PKD1: variants seen among roughly 807,000 people sequenced by gnomAD.
The protein encoded by PKD1 is polycystin 1, transient receptor potential channel interacting.
In PKD1, 81 loss-of-function variants were observed where a neutral mutation model predicts 361.7. The ratio of observed to expected loss-of-function variants is 0.22; its 90% CI spans 0.19 to 0.27. PKD1 has a LOEUF of 0.27. PKD1 is among the 10% of genes least tolerant of loss of function. The pLI is 1.00. For missense variants in PKD1, 6,399 were observed against 6,118.3 expected, an observed-to-expected ratio of 1.05 and a Z score of -1.53; for synonymous variants, 3,615 against 2,818.3, an observed-to-expected ratio of 1.28 and a Z score of -8.95.
Position 2,107,894 on chromosome 16 carries a change from T to C in PKD1, c.7054A>G (p.Thr2352Ala). 2 of 1,544,598 alleles carry C rather than the reference T, an allele frequency of 1.3e-6. No individual in the cohort carries two copies. Among genetic ancestry groups the C allele is most frequent in the Non-Finnish European group, 1.7e-6 (2 of 1,146,600 alleles). The change falls in exon 16 of 46, where the codon ACC becomes GCC. Residue 2352 changes from threonine (T) to alanine (A), a missense_variant. Transcript: ENST00000262304. Reference protein sequence around the residue: ...VWKAGRKEEATNQTVLIRSGR... With the variant: ...VWKAGRKEEAANQTVLIRSGR... ...CGGGCGGCACCCACCGTCTGGTTGG[T>C]GGCCTCCTCCTTGCGGCCGGCCTTC...
rs1441305804 is a variant in PKD1 at position 2,092,052 on chromosome 16, C to T, written c.11406G>A (p.Leu3802=). The T allele has an allele frequency of 3.1e-6, 5 of 1,612,832 alleles. No individual in the cohort carries two copies. The highest frequency in any genetic ancestry group is 4.2e-6 in the Non-Finnish European group (5 of 1,179,992). The change falls in exon 40 of 46, where the codon CTG becomes CTA. Residue 3802 remains leucine (L), a synonymous_variant. Coordinates refer to ENST00000262304, the MANE Select transcript of PKD1 (RefSeq NM_001009944.3). ...GGGGCCCTCGCTCTGCTCACCCCAG[C>T]AGATCCGGCGCTGAATAGGCCCACG... The part of the protein sequence containing the change: ...SGTWAYSAPD[L]LGAWSWGSCA...
At chr16:2,105,019 TAGGGGAGGGAAGGGGGAGGGG>T (rs2092286633) in intron 21 of PKD1, among the ~76,000 whole-genome samples, 2 of 61,818 alleles carry the variant, frequency 3.2e-5, no homozygotes, top group African/African-American at 1.3e-4. Flanking sequence ...GGGGAGGGGC[TAGGGGAGGGAAGGGGGAGGGG>T]AGGGGAGGGG....
At chr16:2,108,128 C>T (rs2092406823) in intron 15 of PKD1, 96 bp from the exon 16 acceptor site, 1 of 1,488,022 alleles carries the variant, frequency 6.7e-7, no homozygotes, top group Non-Finnish European at 9.3e-7. Flanking sequence ...ACCCCCTCCC[C>T]ATGCTGGGAC....
Position 2,102,396 on chromosome 16 carries a change from G to A in PKD1, c.9186C>T (p.Val3062=), listed in dbSNP as rs766805672. ...GGTCACTCACAGGAAACACAAAGCGGACATGGCTTGGGGGCACGAAGAGGC... is the reference window on the plus strand; with the variant it reads ...GGTCACTCACAGGAAACACAAAGCGAACATGGCTTGGGGGCACGAAGAGGC... ...GASLFVPPSH[V]RFVFPEPTAD... is the part of the protein sequence containing the mutation. Residue 3062 remains valine (V), a synonymous_variant, in exon 25 of 46, where the codon GTC becomes GTT. Coordinates refer to ENST00000262304, the MANE Select transcript of PKD1 (RefSeq NM_001009944.3). The A allele has an allele frequency of 6.4e-7, 1 of 1,558,706 alleles. No individual in the cohort carries two copies. The highest frequency in any genetic ancestry group is 8.7e-7 in the Non-Finnish European group (1 of 1,152,174).
rs773014664 is a variant in PKD1 at position 2,103,811 on chromosome 16, G to A, written c.8246C>T (p.Ala2749Val). Residue 2749 changes from alanine (A) to valine (V), a missense_variant, in exon 23 of 46, where the codon GCG (alanine) becomes GTG (valine). By Grantham distance (64) the Ala-to-Val change is moderately conservative. Transcript: ENST00000262304. ...LGAESPSRMV[A>V]SQAYNLTSAL... Reference sequence around the variant, plus strand: ...AGAGGTCAGGTTGTAGGCCTGGGACGCCACCATCCGAGATGGTGACTCGGC... The same window carrying A: ...AGAGGTCAGGTTGTAGGCCTGGGACACCACCATCCGAGATGGTGACTCGGC... The A allele has an allele frequency of 1.6e-5, 25 of 1,609,164 alleles. No homozygotes were observed. The highest frequency in any genetic ancestry group is 2.0e-5 in the Non-Finnish European group (24 of 1,179,354).
Position 2,112,732 on chromosome 16 carries a change from C to G in PKD1, c.3161+56G>C, listed in dbSNP as rs542334447. 34 of 1,561,864 alleles carry G rather than the reference C, an allele frequency of 2.2e-5. No individual in the cohort carries two copies. In the East Asian group the frequency reaches 3.4e-4, roughly 15 times the overall value. Reference sequence around the variant, plus strand: ...TGATGTGGGGGTCCCTCGGCTGAGGCTGGGGCTGGGACAAGAGCCTGGTGC... The same window carrying G: ...TGATGTGGGGGTCCCTCGGCTGAGGGTGGGGCTGGGACAAGAGCCTGGTGC... On this transcript the variant is annotated intron_variant, in intron 13 of 45. Transcript: ENST00000262304.
At chr16:2,094,299 G>A in intron 34 of PKD1, 89 bp from the exon 35 acceptor site, 1 of 810,534 alleles carries the variant, frequency 1.2e-6, no homozygotes, top group Non-Finnish European at 2.1e-6. Flanking sequence ...GCAGTTTCTT[G>A]AGCCTCTTGG....
At chr16:2,103,233 G>A (rs779633654) in intron 23 of PKD1, 33 bp downstream of exon 23, 1 of 1,604,192 alleles carries the variant, frequency 6.2e-7, no homozygotes, top group Non-Finnish European at 8.5e-7. Flanking sequence ...AACAAGGCCA[G>A]GGGGCCGCGT....
chr16:2,119,569 A>C (rs976686796), intron 1 of PKD1, among the ~76,000 whole-genome samples, 191 bp from the exon 2 acceptor site: 14 of 152,328 alleles, frequency 9.2e-5, no homozygotes, highest in African/African-American at 2.6e-4. Context: ...AAACCAAGCC[A>C]GGAGAGGCCT....
rs1428057208 is a variant in PKD1, at chr16:2,121,722, C to A, written c.216-2344G>T. On this transcript the variant is annotated intron_variant, in intron 1 of 45. Coordinates refer to ENST00000262304, the MANE Select transcript of PKD1 (RefSeq NM_001009944.3). ...ACCCTGGGCACCCCTCCTGGTCCCACGCACTCCCAGTAGTGCTCCTGGCAC... is the reference window on the plus strand; with the variant it reads ...ACCCTGGGCACCCCTCCTGGTCCCAAGCACTCCCAGTAGTGCTCCTGGCAC... Among the ~76,000 whole-genome samples the A allele has an allele frequency of 4.9e-5, 6 of 122,354 alleles. No homozygotes were observed. The South Asian group carries it at 1.6e-3, about 32-fold the overall frequency. 80.3% of individuals were successfully genotyped at this position (122,354 alleles called of 152,430 possible). A position where few individuals can be genotyped will look rare whatever the true frequency, so the allele number is the denominator to read the frequency against.
chr16:2,108,737 G>A lies in PKD1; in HGVS notation c.6430C>T (p.Leu2144=). 1 of 1,572,266 alleles carries A rather than the reference G, an allele frequency of 6.4e-7. No homozygotes were observed. ...TCCACCTCCGGCTCCCGGCAGGCCA[G>A]CACCTGGACGGTCACCGTGGCCTGC... ...VAQATVTVQV[L]ACREPEVDVV... The change falls in exon 15 of 46, where the codon CTG becomes TTG. Residue 2144 remains leucine, a synonymous_variant. Coordinates refer to ENST00000262304, the MANE Select transcript of PKD1 (RefSeq NM_001009944.3).
chr16:2,107,184 G>C, intron 16 of PKD1: 3 of 588,070 alleles, frequency 5.1e-6, no homozygotes, highest in Admixed American at 2.5e-5. Context: ...ACTGGACCCA[G>C]CTGGACCCTA....
rs1436106320 is a variant in PKD1, at chr16:2,112,009, G to A, written c.3296-138C>T. 7.7e-6 allele frequency: 7 copies of A among 913,796 alleles called. No individual in the cohort carries two copies. In the East Asian group the frequency reaches 1.6e-4, roughly 21 times the overall value. 56.6% of individuals were successfully genotyped at this position (913,796 alleles called of 1,614,324 possible). On this transcript the variant is annotated intron_variant, in intron 14 of 45. Transcript: ENST00000262304. ...AGCCTTAAGGGTCCCAGGCTCCCAA[G>A]CCACGTGCGGGACGGAGCACAGGTG...
intron 1 of PKD1, among the ~76,000 whole-genome samples, chr16:2,122,245 G>A (rs746004866): frequency 4.6e-5 from 7 of 152,248 alleles, no homozygotes; most frequent in African/African-American, 4.8e-5. Context: ...ACTGGCTCCC[G>A]GAGCTTCTCG....
At chr16:2,123,004 G>C (rs1251445609) in intron 1 of PKD1, among the ~76,000 whole-genome samples, 5 of 152,224 alleles carry the variant, frequency 3.3e-5, no homozygotes, top group African/African-American at 1.2e-4. Flanking sequence ...GGCTGCTGCT[G>C]GGAGCTGACA....
intron 1 of PKD1, among the ~76,000 whole-genome samples, chr16:2,126,252 G>A (rs1250126791): frequency 6.6e-6 from 1 of 152,254 alleles, no homozygotes; most frequent in African/African-American, 2.4e-5. Context: ...TTGCCCCAGC[G>A]CTGGCCTCAT....
chr16:2,099,218 A>T (rs890713639), intron 30 of PKD1: 35 of 349,076 alleles, frequency 1.0e-4, no homozygotes, highest in Admixed American at 1.6e-4. Context: ...CACCTCGGCC[A>T]CCTGAAGTGT....
In PKD1 at chr16:2,109,635, G is replaced by A. The variant is rs2092449681; in HGVS notation, c.5532C>T (p.Gly1844=). 4 of 1,601,476 alleles carry A rather than the reference G, an allele frequency of 2.5e-6. No individual in the cohort carries two copies. Among genetic ancestry groups the A allele is most frequent in the East Asian group, 2.3e-5 (1 of 44,376 alleles). ...TGACATGAGGGCCACGCTTGCTGCT[G>A]CCGCCGGGCACAGCCCAGCACCAGC... ...NVSWCWAVPG[G]SSKRGPHVTM... The change falls in exon 15 of 46, where the codon GGC becomes GGT. Residue 1844 remains glycine, a synonymous_variant. Transcript: ENST00000262304.
At position 2,092,823 on chromosome 16, in the gene PKD1, C is replaced by A; in HGVS notation, c.11156+131G>T. The A allele has an allele frequency of 3.5e-6, 4 of 1,153,052 alleles. No individual in the cohort carries two copies. In the East Asian group the frequency reaches 7.0e-5, roughly 20 times the overall value. 71.4% of individuals were successfully genotyped at this position (1,153,052 alleles called of 1,614,324 possible). ...TGTCCCTCCCCTCTGCCTACTGATG[C>A]CAGCAGCACCTACCTCCAGTTCTAG... On this transcript the variant is annotated intron_variant, in intron 38 of 45. Coordinates refer to ENST00000262304, the MANE Select transcript of PKD1 (RefSeq NM_001009944.3).
Sources: allele counts gnomAD v4.1 joint callset (sites outside exome capture counted in the v4.1 genomes callset), GRCh38; gene constraint gnomAD v4.1.1; transcripts MANE v1.5; gene names NCBI Gene and HGNC (gene_info 2026-07-23, HGNC 2026-07-21).